The following BLOC1S2 variants were observed in gnomAD, a reference collection of about 807,000 sequenced individuals.
BLOC1S2 encodes the protein biogenesis of lysosome-related organelles complex 1 subunit 2.
BLOC1S2 carries 12 observed loss-of-function variants against 19.6 expected under a neutral mutation model. The ratio of observed to expected loss-of-function variants is 0.61; its 90% CI spans 0.39 to 0.99. The LOEUF (loss-of-function observed/expected upper bound fraction) is 0.99. BLOC1S2 is among the 50% of genes least tolerant of loss of function. The probability of loss-of-function intolerance (pLI) is 0.00; values close to 1 mark genes in which losing one functional copy is unlikely to be tolerated. For missense variants in BLOC1S2, 142 were observed against 171.0 expected, an observed-to-expected ratio of 0.83 and a Z score of 0.95; for synonymous variants, 66 against 64.1, an observed-to-expected ratio of 1.03 and a Z score of -0.14.
At chr10:100,278,088 C>T (rs1466515071) in intron 4 of BLOC1S2, among the ~76,000 whole-genome samples, 1 of 132,298 alleles carries the variant, frequency 7.6e-6, no homozygotes, top group Non-Finnish European at 1.7e-5. Flanking sequence ...GGGCCAGCCG[C>T]TCCGTCCGGG....
chr10:100,283,329 G>A (rs1848155535), intron 2 of BLOC1S2, among the ~76,000 whole-genome samples: 1 of 152,060 alleles, frequency 6.6e-6, no homozygotes, highest in South Asian at 2.1e-4. Flanking sequence ...CTTGGAGCAT[G>A]TAACCTCTGG....
Position 100,275,404 on chromosome 10 carries a change from TTA to T in BLOC1S2, c.*56_*57del. The T allele has an allele frequency of 6.6e-7, 1 of 1,514,750 alleles. No individual in the cohort carries two copies. The highest frequency in any genetic ancestry group is 1.2e-5 in the South Asian group (1 of 81,060). The allele number at this position is 1,514,750 out of a possible 1,614,324, so 93.8% of individuals were successfully genotyped here. On this transcript the variant is annotated 3_prime_UTR_variant, in exon 5 of 5. Transcript: ENST00000370372. ...ATTCATCAGCCTCAGGATTCAGGTT[TTA>T]TAAGACATTCTTCCACATTAAAAAA...
chr10:100,278,581 A>C (rs1440303874), intron 4 of BLOC1S2, among the ~76,000 whole-genome samples: 2 of 152,170 alleles, frequency 1.3e-5, no homozygotes, highest in Admixed American at 6.5e-5. Flanking sequence ...CTCAGGGTTA[A>C]ATGGATTAAG....
At chr10:100,284,682 G>A (rs1848191461) in intron 2 of BLOC1S2, among the ~76,000 whole-genome samples, 1 of 152,122 alleles carries the variant, frequency 6.6e-6, no homozygotes, top group African/African-American at 2.4e-5. Context: ...GTAGAAGCAG[G>A]GTTTTGCCAT....
rs1482603354 is a variant in BLOC1S2, at chr10:100,275,060, T to A, written c.*402A>T. On this transcript the variant is annotated 3_prime_UTR_variant, in exon 5 of 5. Transcript: ENST00000370372. ...TCTTGTTTACAACACATTAGCATCA[T>A]TAACAGAAAAACGACCATTTACATA... The A allele has an allele frequency of 2.5e-6, 1 of 400,150 alleles. No individual in the cohort carries two copies. Among genetic ancestry groups the A allele is most frequent in the Non-Finnish European group, 4.4e-6 (1 of 226,872 alleles). 24.8% of individuals were successfully genotyped at this position (400,150 alleles called of 1,614,324 possible). A position where few individuals can be genotyped will look rare whatever the true frequency, so the allele number is the denominator to read the frequency against.
At chr10:100,286,003 C>T in intron 2 of BLOC1S2, 94 bp downstream of exon 2, 1 of 1,510,092 alleles carries the variant, frequency 6.6e-7, no homozygotes, top group African/African-American at 1.4e-5. Context: ...TCAGGGCATG[C>T]AGGGTAGGAA....
rs182147651 is a variant in BLOC1S2, at chr10:100,275,236, A to T, written c.*226T>A. The T allele has an allele frequency of 6.4e-6, 3 of 466,896 alleles. No individual in the cohort carries two copies. In the East Asian group the frequency reaches 9.2e-5, roughly 14 times the overall value. The allele number at this position is 466,896 out of a possible 1,614,324, so 28.9% of individuals were successfully genotyped here. ...CCTGAATATGGCAAAGCATTCAAGT[A>T]AAAGGTAGGAAGTTATAAGTGTGAG... On this transcript the variant is annotated 3_prime_UTR_variant, in exon 5 of 5. Coordinates refer to ENST00000370372, the MANE Select transcript of BLOC1S2 (RefSeq NM_173809.5).
At position 100,286,667 on chromosome 10, in the gene BLOC1S2, C is replaced by G. The variant is rs1327961100; in HGVS notation, c.-8G>C. On this transcript the variant is annotated 5_prime_UTR_variant, in exon 1 of 5. Transcript: ENST00000370372. ...CTCGGCTGCCGCCGCCATAGCGGAC[C>G]CCGCGCTGTTTCCGGGCCGGGGTGC... The G allele has an allele frequency of 2.0e-5, 32 of 1,609,664 alleles. No homozygotes were observed. The highest frequency in any genetic ancestry group is 3.3e-4 in the Middle Eastern group (2 of 6,038).
intron 4 of BLOC1S2, among the ~76,000 whole-genome samples, chr10:100,277,551 A>G (rs1589647610): frequency 5.0e-5 from 4 of 80,682 alleles, no homozygotes; most frequent in Non-Finnish European, 7.2e-5. Flanking sequence ...TCCGGGAGGG[A>G]GGTGGGGGGG....
Position 100,286,598 on chromosome 10 carries a change from CG to C in BLOC1S2, c.55+6del. On this transcript the variant is annotated splice_donor_region_variant and intron_variant, in intron 1 of 4. Transcript: ENST00000370372. Reference sequence around the variant, plus strand: ...CCGGACGCTTCCTCCCCATCCATTCCGGGTACCTCGGGCGGGCTCATCACTC... The same window carrying C: ...CCGGACGCTTCCTCCCCATCCATTCCGGTACCTCGGGCGGGCTCATCACTC... The C allele has an allele frequency of 6.2e-7, 1 of 1,612,888 alleles. No homozygotes were observed. The highest frequency in any genetic ancestry group is 8.5e-7 in the Non-Finnish European group (1 of 1,179,284).
At chr10:100,278,143 C>T (rs1847986378) in intron 4 of BLOC1S2, among the ~76,000 whole-genome samples, 1 of 146,254 alleles carries the variant, frequency 6.8e-6, no homozygotes, top group African/African-American at 2.6e-5. Context: ...GCCAGCCACC[C>T]CGTCTGGGAG....
chr10:100,278,219 G>GC (rs1167375129), intron 4 of BLOC1S2, among the ~76,000 whole-genome samples: 8 of 150,300 alleles, frequency 5.3e-5, no homozygotes, highest in Non-Finnish European at 7.4e-5. Context: ...GGGGGGGTCA[G>GC]CCCCCCGCCT....
intron 4 of BLOC1S2, among the ~76,000 whole-genome samples, chr10:100,277,004 G>C (rs1410431432): frequency 1.3e-5 from 2 of 148,960 alleles, no homozygotes; most frequent in Non-Finnish European, 3.0e-5. Flanking sequence ...TGGCTGCCCA[G>C]TCTGGAAAGT....
chr10:100,284,568 T>C (rs1173599737), intron 2 of BLOC1S2, among the ~76,000 whole-genome samples: 1 of 152,284 alleles, frequency 6.6e-6, no homozygotes, highest in East Asian at 1.9e-4. Context: ...CACAGCTCAC[T>C]ATAACCTCCA....
chr10:100,277,979 C>T (rs1200891660), intron 4 of BLOC1S2, among the ~76,000 whole-genome samples: 12 of 112,974 alleles, frequency 1.1e-4, no homozygotes, highest in Non-Finnish European at 5.5e-5. Flanking sequence ...GCCCCTCTGC[C>T]CGGCCAGCCG....
chr10:100,286,505 C>G (rs988552566), intron 1 of BLOC1S2, 100 bp downstream of exon 1: 1 of 1,547,282 alleles, frequency 6.5e-7, no homozygotes, highest in Non-Finnish European at 8.7e-7. Flanking sequence ...TCTCACCAGC[C>G]CGTTCCTGCC....
At chr10:100,283,157 A>G (rs1354992486) in intron 2 of BLOC1S2, among the ~76,000 whole-genome samples, 1 of 152,208 alleles carries the variant, frequency 6.6e-6, no homozygotes, top group Non-Finnish European at 1.5e-5. Flanking sequence ...AAAACCTCAG[A>G]TACATCTTGG....
At chr10:100,277,376 A>G in intron 4 of BLOC1S2, among the ~76,000 whole-genome samples, 5 of 135,594 alleles carry the variant, frequency 3.7e-5, no homozygotes, top group South Asian at 2.4e-4. Context: ...CCGGGAGGTG[A>G]GGGGCGCCTC....
At chr10:100,282,866 A>G in intron 2 of BLOC1S2, 1 of 398,656 alleles carries the variant, frequency 2.5e-6, no homozygotes, top group Non-Finnish European at 4.4e-6. Flanking sequence ...TAAGTGCACC[A>G]TACAGGCATT....
Sources: gnomAD v4.1 joint callset for allele counts (sites outside exome capture counted in the v4.1 genomes callset) on GRCh38, gnomAD v4.1.1 for gene constraint, MANE v1.5 for transcripts, NCBI Gene and HGNC (gene_info 2026-07-23, HGNC 2026-07-21) for gene names.